SCN2A: variants seen among roughly 807,000 people sequenced by gnomAD.
SCN2A encodes the protein sodium channel protein type 2 subunit alpha.
Under a neutral mutation model 188.7 loss-of-function variants are expected in SCN2A, and 20 were observed. The observed-to-expected ratio is 0.11, with a 90% CI of 0.07 to 0.15. The LOEUF is 0.15. Among genes scored for constraint, SCN2A ranks in the 10% least tolerant of loss-of-function variants. The probability of loss-of-function intolerance (pLI) is 1.00; values close to 1 mark genes in which losing one functional copy is unlikely to be tolerated. For synonymous variants in SCN2A, 804 were observed against 833.1 expected (o/e 0.97, Z 0.60); for missense variants, 1,278 against 2,445.0 (o/e 0.52, Z 10.07).
intron 8 of SCN2A, among the ~76,000 whole-genome samples, chr2:165,312,458 A>G (rs1013474868): frequency 6.6e-6 from 1 of 152,112 alleles, no homozygotes; most frequent in Admixed American, 6.6e-5. Context: ...ATCTCTGAAA[A>G]TAATGTTAAT....
At chr2:165,335,074 C>G (rs945647070) in intron 14 of SCN2A, among the ~76,000 whole-genome samples, 5 of 151,494 alleles carry the variant, frequency 3.3e-5, no homozygotes, top group Admixed American at 2.6e-4. Flanking sequence ...TTTGTACACT[C>G]AAAGCTATAA....
At chr2:165,359,217 T>C (rs1358306988) in intron 17 of SCN2A, among the ~76,000 whole-genome samples, 1 of 152,084 alleles carries the variant, frequency 6.6e-6, no homozygotes, top group Non-Finnish European at 1.5e-5. Flanking sequence ...AGATGCGTAA[T>C]TGTTTACAGT....
chr2:165,361,766 A>G (rs750781911), intron 17 of SCN2A, among the ~76,000 whole-genome samples: 14 of 152,004 alleles, frequency 9.2e-5, no homozygotes, highest in Non-Finnish European at 1.5e-4. Context: ...ATACAGAGTG[A>G]AAAGAGGGAA....
chr2:165,324,338 T>C (rs752758563), intron 12 of SCN2A, among the ~76,000 whole-genome samples: 7 of 152,258 alleles, frequency 4.6e-5, no homozygotes, highest in Non-Finnish European at 8.8e-5. Context: ...TGATTTTTTT[T>C]TCACATAGCT....
intron 1 of SCN2A, among the ~76,000 whole-genome samples, chr2:165,259,189 T>C (rs1694466842): frequency 1.3e-5 from 2 of 152,228 alleles, no homozygotes; most frequent in African/African-American, 4.8e-5. Context: ...AAATATTTTC[T>C]TGCTTACAAA....
chr2:165,302,239 C>A (rs543929197), intron 3 of SCN2A, among the ~76,000 whole-genome samples: 1 of 152,272 alleles, frequency 6.6e-6, no homozygotes, highest in South Asian at 2.1e-4. Flanking sequence ...TATCTACTGG[C>A]AAATAGGAGT....
intron 8 of SCN2A, 33 bp from the exon 9 acceptor site, chr2:165,313,587 T>G: frequency 8.1e-6 from 13 of 1,612,452 alleles, no homozygotes; most frequent in Non-Finnish European, 1.0e-5. Flanking sequence ...TTGCCGTTAT[T>G]GACTTCCTTT....
At chr2:165,309,917 A>T (rs1697342305) in intron 6 of SCN2A, among the ~76,000 whole-genome samples, 2 of 152,136 alleles carry the variant, frequency 1.3e-5, no homozygotes, top group Admixed American at 1.3e-4. Flanking sequence ...TAACCTCATA[A>T]TTCATCGACT....
intron 1 of SCN2A, among the ~76,000 whole-genome samples, chr2:165,291,348 GT>G (rs1696105835): frequency 2.4e-5 from 2 of 81,978 alleles, no homozygotes; most frequent in South Asian, 3.9e-4. Context: ...CTTGTCTGTC[GT>G]TCGTTCCTTC....
intron 1 of SCN2A, among the ~76,000 whole-genome samples, chr2:165,284,226 A>C (rs1405965889): frequency 6.6e-6 from 1 of 152,058 alleles, no homozygotes; most frequent in Non-Finnish European, 1.5e-5. Context: ...GTTGGAGTGC[A>C]GTGGCGCGAT....
At chr2:165,246,838 A>G (rs373058683) in intron 1 of SCN2A, among the ~76,000 whole-genome samples, 1 of 151,994 alleles carries the variant, frequency 6.6e-6, no homozygotes, top group African/African-American at 2.4e-5. Context: ...CAACCATGCC[A>G]CATGTCCCTG....
rs551416491 is a variant in SCN2A at position 165,335,358 on chromosome 2, T to C, written c.2388+3790T>C. 2.6e-5 allele frequency among the ~76,000 whole-genome samples: 4 copies of C among 151,832 alleles called. 1 individual carries two copies. Among genetic ancestry groups the C allele is most frequent in the African/African-American group, 9.6e-5 (4 of 41,526 alleles). ...CAAACTTCCAAATTTTAAAACTTAC[T>C]ACAAAGCAAAAGTAAGCAAGATAGT... On this transcript the variant is annotated intron_variant, in intron 14 of 26. Transcript: ENST00000375437.
intron 1 of SCN2A, among the ~76,000 whole-genome samples, chr2:165,277,941 A>G (rs1695415648): frequency 6.6e-6 from 1 of 152,244 alleles, no homozygotes; most frequent in South Asian, 2.1e-4. Flanking sequence ...AAAGAGGAGT[A>G]CATCATAATC....
intron 1 of SCN2A, among the ~76,000 whole-genome samples, chr2:165,283,858 A>C (rs1695699726): frequency 6.6e-6 from 1 of 152,176 alleles, no homozygotes; most frequent in South Asian, 2.1e-4. Context: ...ATTATTCAAC[A>C]TCCATACACC....
chr2:165,263,056 T>A (rs1694677381), intron 1 of SCN2A, among the ~76,000 whole-genome samples: 1 of 146,034 alleles, frequency 6.8e-6, no homozygotes, highest in Admixed American at 7.0e-5. Flanking sequence ...GAGAATTGTC[T>A]ATTCACGTCC....
rs1250806544 is a variant in SCN2A, at chr2:165,392,089, A to G, written c.*2265A>G. 1.3e-5 allele frequency: 2 copies of G among 152,532 alleles called. No individual in the cohort carries two copies. The highest frequency in any genetic ancestry group is 2.1e-4 in the South Asian group (1 of 4,836). The allele number at this position is 152,532 out of a possible 1,614,324, so 9.4% of individuals were successfully genotyped here. On this transcript the variant is annotated 3_prime_UTR_variant, in exon 27 of 27. Transcript: ENST00000375437. ...TGTTTCTATCTTTGAAATGCCATTT[A>G]AAGGTAGATTTCTATCATGTAAAAA...
intron 20 of SCN2A, 76 bp from the exon 21 acceptor site, chr2:165,373,149 A>G: frequency 6.7e-7 from 1 of 1,500,308 alleles, no homozygotes; most frequent in East Asian, 2.3e-5. Flanking sequence ...TTACTGATTC[A>G]TTGCATAGAG....
chr2:165,372,875 T>C (rs569096512), intron 20 of SCN2A: 3 of 247,766 alleles, frequency 1.2e-5, no homozygotes, highest in Admixed American at 5.1e-5. Context: ...TTTACAGATC[T>C]GTAGAGGAAG....
At chr2:165,304,197 A>G (rs2105232377) in intron 3 of SCN2A, among the ~76,000 whole-genome samples, 1 of 152,238 alleles carries the variant, frequency 6.6e-6, no homozygotes, top group African/African-American at 2.4e-5. Context: ...TCCTGGGTTC[A>G]AGTGATTCCC....
Sources: allele counts gnomAD v4.1 joint callset (sites outside exome capture counted in the v4.1 genomes callset), GRCh38; gene constraint gnomAD v4.1.1; transcripts MANE v1.5; gene names NCBI Gene and HGNC (gene_info 2026-07-23, HGNC 2026-07-21).